Variants in MANSC4 observed in about 807,000 individuals in gnomAD.
MANSC4 encodes MANSC domain-containing protein 4.
Under a neutral mutation model 11.4 loss-of-function variants are expected in MANSC4, and 11 were observed. That is an observed-to-expected ratio of 0.97 (90% confidence interval 0.61 to 1.60). The LOEUF is 1.60. Among genes scored for constraint, MANSC4 ranks in the 40% most tolerant of loss-of-function variants. The probability of loss-of-function intolerance (pLI) is 0.00; values close to 1 mark genes in which losing one functional copy is unlikely to be tolerated. For synonymous variants in MANSC4, 123 were observed against 147.1 expected (o/e 0.84, Z 1.19); for missense variants, 354 against 404.6 (o/e 0.88, Z 1.07).
chr12:27,777,667 G>A (rs538110323), intron 1 of MANSC4, among the ~76,000 whole-genome samples: 1 of 152,312 alleles, frequency 6.6e-6, no homozygotes, highest in South Asian at 2.1e-4. Flanking sequence ...TAGAATCCAA[G>A]AAAACAACTG....
intron 3 of MANSC4, among the ~76,000 whole-genome samples, chr12:27,763,722 C>T (rs1393882474): frequency 2.0e-5 from 3 of 151,712 alleles, no homozygotes; most frequent in Non-Finnish European, 2.9e-5. Flanking sequence ...CACAATATAG[C>T]GTTTATTATT....
intron 1 of MANSC4, among the ~76,000 whole-genome samples, chr12:27,775,402 GA>G (rs2062115970): frequency 6.6e-6 from 1 of 152,246 alleles, no homozygotes; most frequent in South Asian, 2.1e-4. Flanking sequence ...AACATAGGGA[GA>G]GCCTGTCTCT....
intron 2 of MANSC4, among the ~76,000 whole-genome samples, chr12:27,767,332 C>G (rs569450352): frequency 2.0e-5 from 3 of 152,134 alleles, no homozygotes; most frequent in Non-Finnish European, 4.4e-5. Context: ...TACTTTCCAT[C>G]CCACACAGGA....
Position 27,762,617 on chromosome 12 carries a change from T to A in MANSC4, c.*121A>T, listed in dbSNP as rs1311759989. The stretch of plus-strand genomic sequence containing the variant: ...TCTACTGCCTTGGCTTCCCAAAGTT[T>A]TGGGATTACAGGCATGAACCACCAC... On this transcript the variant is annotated 3_prime_UTR_variant, in exon 4 of 4. Transcript: ENST00000381273. The A allele has an allele frequency of 4.1e-6, 4 of 977,764 alleles. No individual in the cohort carries two copies. The African/African-American group carries it at 6.6e-5, about 16-fold the overall frequency. 60.6% of individuals were successfully genotyped at this position (977,764 alleles called of 1,614,324 possible).
rs561894023 is a variant in MANSC4 at position 27,768,881 on chromosome 12, C to T, written c.230-2082G>A. On this transcript the variant is annotated intron_variant, in intron 2 of 3. Transcript: ENST00000381273. Reference sequence around the variant, plus strand: ...CTAACCTCGAGTGATCTGCCTGCCTCGGCCTCCCAAAGTGATGGGATTACA... The same window carrying T: ...CTAACCTCGAGTGATCTGCCTGCCTTGGCCTCCCAAAGTGATGGGATTACA... 5.9e-5 allele frequency among the ~76,000 whole-genome samples: 9 copies of T among 152,220 alleles called. 1 individual carries two copies. The South Asian group carries it at 1.5e-3, about 25-fold the overall frequency.
intron 1 of MANSC4, chr12:27,779,860 G>C (rs1332482856): frequency 6.6e-6 from 1 of 151,572 alleles, no homozygotes; most frequent in East Asian, 2.0e-4. Flanking sequence ...GAGGCTGCGG[G>C]GACGCGCGCC....
At chr12:27,776,944 C>A (rs1197612741) in intron 1 of MANSC4, among the ~76,000 whole-genome samples, 1 of 151,988 alleles carries the variant, frequency 6.6e-6, no homozygotes, top group African/African-American at 2.4e-5. Context: ...AATTTTAGGT[C>A]TTTTTAAAAT....
chr12:27,771,644 A>G (rs2062101480), intron 1 of MANSC4, among the ~76,000 whole-genome samples, 62 bp from the exon 2 acceptor site: 1 of 152,216 alleles, frequency 6.6e-6, no homozygotes, highest in Non-Finnish European at 1.5e-5. Context: ...TGGAAACCTT[A>G]GTCAAGAGGC....
chr12:27,775,477 T>C (rs993475628), intron 1 of MANSC4, among the ~76,000 whole-genome samples: 4 of 152,008 alleles, frequency 2.6e-5, no homozygotes, highest in African/African-American at 9.7e-5. Flanking sequence ...CAGTGAACTG[T>C]GGTTGTGCCA....
At chr12:27,776,182 A>G (rs1193214744) in intron 1 of MANSC4, among the ~76,000 whole-genome samples, 1 of 152,004 alleles carries the variant, frequency 6.6e-6, no homozygotes, top group Non-Finnish European at 1.5e-5. Flanking sequence ...TCATTCTACC[A>G]TACCAAAATT....
rs2062098266 is a variant in MANSC4, at chr12:27,771,070, C to A, written c.207G>T (p.Arg69Ser). Residue 69 changes from arginine to serine, a missense_variant, in exon 2 of 4, where the codon AGG (arginine) becomes AGT (serine). Arg to Ser is a moderately radical substitution (Grantham distance 110, BLOSUM62 -1). Coordinates refer to ENST00000381273, the MANE Select transcript of MANSC4 (RefSeq NM_001146221.5). ...TACCATCCTTCCGAAGACAGCAGCTCCTACTGCACTTCTGGCCAGTGCTTT... is the reference window on the plus strand; with the variant it reads ...TACCATCCTTCCGAAGACAGCAGCTACTACTGCACTTCTGGCCAGTGCTTT... ...YSESTGQKCSRSCCLRKDVSC... is the reference protein window; with the variant it reads ...YSESTGQKCSSSCCLRKDVSC... 3 of 1,551,312 alleles carry A rather than the reference C, an allele frequency of 1.9e-6. No individual in the cohort carries two copies. In the South Asian group the frequency reaches 3.6e-5, roughly 18 times the overall value.
rs2062089026 is a variant in MANSC4, at chr12:27,769,231, C to T, written c.229+1817G>A. ...TTAAGGGAAAGAAAAACTATTCAAA[C>T]TTAAGACTTTTAAATTTCTGATGAG... On this transcript the variant is annotated intron_variant, in intron 2 of 3. Coordinates refer to ENST00000381273, the MANE Select transcript of MANSC4 (RefSeq NM_001146221.5). Among the ~76,000 whole-genome samples the T allele has an allele frequency of 3.3e-5, 5 of 152,350 alleles. No individual in the cohort carries two copies. The South Asian group carries it at 1.0e-3, about 32-fold the overall frequency.
At chr12:27,776,280 C>T (rs962628712) in intron 1 of MANSC4, among the ~76,000 whole-genome samples, 2 of 152,072 alleles carry the variant, frequency 1.3e-5, no homozygotes, top group Non-Finnish European at 2.9e-5. Flanking sequence ...CTGGCACATG[C>T]TAAACACTCA....
chr12:27,766,979 A>G (rs1325932557), intron 2 of MANSC4, among the ~76,000 whole-genome samples, 180 bp from the exon 3 acceptor site: 1 of 151,990 alleles, frequency 6.6e-6, no homozygotes, highest in Non-Finnish European at 1.5e-5. Flanking sequence ...AATATGGAAA[A>G]TACTTTTTTT....
At chr12:27,774,397 C>G (rs2062111617) in intron 1 of MANSC4, among the ~76,000 whole-genome samples, 2 of 150,982 alleles carry the variant, frequency 1.3e-5, no homozygotes, top group African/African-American at 4.9e-5. Flanking sequence ...AAAATGGTAC[C>G]TGAAAAACTT....
At position 27,768,338 on chromosome 12, in the gene MANSC4, G is replaced by A. The variant is rs1204571629; in HGVS notation, c.230-1539C>T. 2.0e-5 allele frequency among the ~76,000 whole-genome samples: 3 copies of A among 149,046 alleles called. No individual in the cohort carries two copies. In the Admixed American group the frequency reaches 2.0e-4, roughly 10 times the overall value. ...GAATCACTTGAACCCAGGAGGCAGA[G>A]GTTGCAGTGAGCTGAGATCATGCCA... On this transcript the variant is annotated intron_variant, in intron 2 of 3. Coordinates refer to ENST00000381273, the MANE Select transcript of MANSC4 (RefSeq NM_001146221.5).
At chr12:27,770,463 T>A (rs11049133) in intron 2 of MANSC4, among the ~76,000 whole-genome samples, 24,881 of 151,918 alleles carry the variant, frequency 0.16, 2,526 homozygotes, top group Non-Finnish European at 0.23. Context: ...TTACAGGCAT[T>A]AGCCACCGCA....
intron 2 of MANSC4, 83 bp downstream of exon 2, chr12:27,770,965 G>A: frequency 2.0e-6 from 2 of 986,162 alleles, no homozygotes; most frequent in Admixed American, 5.5e-5. Context: ...CTGTTTACTG[G>A]CCTCTGCCTA....
rs191055272 is a variant in MANSC4, at chr12:27,771,864, T to G, written c.-306-282A>C. ...CAAAAATAATTTTTTTGCACTGGTTTGGGTTTTCATTCTTACTTAAAAAAA... is the reference window on the plus strand; with the variant it reads ...CAAAAATAATTTTTTTGCACTGGTTGGGGTTTTCATTCTTACTTAAAAAAA... On this transcript the variant is annotated intron_variant, in intron 1 of 3. Transcript: ENST00000381273. Among the ~76,000 whole-genome samples the G allele has an allele frequency of 4.7e-4, 72 of 152,226 alleles. No individual in the cohort carries two copies. The East Asian group carries it at 7.7e-3, about 16-fold the overall frequency.
Sources: gnomAD v4.1 joint callset for allele counts (sites outside exome capture counted in the v4.1 genomes callset) on GRCh38, gnomAD v4.1.1 for gene constraint, MANE v1.5 for transcripts, NCBI Gene and HGNC (gene_info 2026-07-23, HGNC 2026-07-21) for gene names.